HPSE2: variants seen among roughly 807,000 people sequenced by gnomAD.
HPSE2 encodes the protein heparanase 2 (inactive).
In HPSE2, 38 loss-of-function variants were observed where a neutral mutation model predicts 60.5. The observed-to-expected ratio is 0.63, with a 90% CI of 0.48 to 0.82. HPSE2 has a LOEUF of 0.82. Ranked by LOEUF, HPSE2 falls within the 40% of genes least tolerant of loss-of-function variation. HPSE2 has a pLI of 0.00. For missense variants in HPSE2, 713 were observed against 740.4 expected (o/e 0.96, Z 0.43); for synonymous variants, 295 against 293.2 (o/e 1.01, Z -0.06).
At chr10:98,996,830 G>A (rs932313835) in intron 3 of HPSE2, among the ~76,000 whole-genome samples, 1 of 152,154 alleles carries the variant, frequency 6.6e-6, no homozygotes, top group Non-Finnish European at 1.5e-5. Flanking sequence ...AATCTATAGT[G>A]ATAGAAATCA....
intron 3 of HPSE2, among the ~76,000 whole-genome samples, chr10:98,856,598 A>G (rs1952321309): frequency 6.6e-6 from 1 of 152,140 alleles, no homozygotes; most frequent in South Asian, 2.1e-4. Context: ...TTAACCTAGA[A>G]TTTCATAAGC....
chr10:98,532,181 T>C (rs1943150853), intron 9 of HPSE2, among the ~76,000 whole-genome samples: 1 of 152,198 alleles, frequency 6.6e-6, no homozygotes, highest in Non-Finnish European at 1.5e-5. Flanking sequence ...TTTGAGAGCT[T>C]GGAGAAGAAA....
At chr10:99,077,225 GCT>G (rs1293803037) in intron 3 of HPSE2, among the ~76,000 whole-genome samples, 1 of 152,028 alleles carries the variant, frequency 6.6e-6, no homozygotes, top group Non-Finnish European at 1.5e-5. Flanking sequence ...GTCTGTTAGG[GCT>G]CCTGGATCTG....
chr10:98,668,067 A>G (rs1471195675), intron 6 of HPSE2, among the ~76,000 whole-genome samples: 1 of 152,216 alleles, frequency 6.6e-6, no homozygotes, highest in African/African-American at 2.4e-5. Flanking sequence ...ATCTCAGTAA[A>G]GTTTCAGGAT....
At chr10:98,966,223 C>T (rs1955811297) in intron 3 of HPSE2, among the ~76,000 whole-genome samples, 1 of 152,076 alleles carries the variant, frequency 6.6e-6, no homozygotes, top group African/African-American at 2.4e-5. Context: ...CTGAGTTACA[C>T]TGAGTTTTAA....
At chr10:98,742,792 TAC>T (rs71009713) in intron 4 of HPSE2, among the ~76,000 whole-genome samples, 4,827 of 147,294 alleles carry the variant, frequency 0.033, 279 homozygotes, top group African/African-American at 0.11. Context: ...CACACATACA[TAC>T]ACACACACAC....
At chr10:99,097,810 A>G (rs897859559) in intron 3 of HPSE2, among the ~76,000 whole-genome samples, 2 of 152,230 alleles carry the variant, frequency 1.3e-5, no homozygotes, top group African/African-American at 4.8e-5. Context: ...CAATGGGTTT[A>G]CAGAAATTGA....
chr10:99,263,660 C>A, the HPSE2 span, among the ~76,000 whole-genome samples: 1 of 152,094 alleles, frequency 6.6e-6, no homozygotes, highest in Non-Finnish European at 1.5e-5. Context: ...TCATTGGTCA[C>A]TCCTATTTAC....
chr10:99,039,226 C>A (rs959410181), intron 3 of HPSE2, among the ~76,000 whole-genome samples: 9 of 152,112 alleles, frequency 5.9e-5, no homozygotes, highest in Admixed American at 5.2e-4. Context: ...AAGCCATAGG[C>A]TTCTGTTTCC....
intron 6 of HPSE2, among the ~76,000 whole-genome samples, chr10:98,684,505 T>G (rs1947863161): frequency 6.6e-6 from 1 of 152,228 alleles, no homozygotes; most frequent in Admixed American, 6.5e-5. Flanking sequence ...ATGTCCCTGC[T>G]GTGAATAATA....
chr10:99,090,244 TA>T (rs1267480012), intron 3 of HPSE2, among the ~76,000 whole-genome samples: 2 of 152,162 alleles, frequency 1.3e-5, no homozygotes, highest in Non-Finnish European at 2.9e-5. Flanking sequence ...TTTCCTGCTG[TA>T]ATTTTTCTCC....
chr10:99,297,484 GA>G, the HPSE2 span, among the ~76,000 whole-genome samples: 1 of 152,218 alleles, frequency 6.6e-6, no homozygotes, highest in African/African-American at 2.4e-5. Context: ...CTCATTGTTT[GA>G]ATGCCAGAAA....
chr10:99,235,825 C>T lies in HPSE2; in HGVS notation c.-23G>A, dbSNP rs1411436371. 1 of 1,604,488 alleles carries T rather than the reference C, an allele frequency of 6.2e-7. No individual in the cohort carries two copies. Among genetic ancestry groups the T allele is most frequent in the Admixed American group, 1.7e-5 (1 of 59,966 alleles). ...CATTCAATCCCTCTGATTTAAACCTCTCTTCCTACTGGGTCTCGCTAGTGA... is the reference window on the plus strand; with the variant it reads ...CATTCAATCCCTCTGATTTAAACCTTTCTTCCTACTGGGTCTCGCTAGTGA... On this transcript the variant is annotated 5_prime_UTR_variant, in exon 1 of 12. Transcript: ENST00000370552.
chr10:98,958,895 T>C (rs182788171), intron 3 of HPSE2, among the ~76,000 whole-genome samples: 2 of 152,200 alleles, frequency 1.3e-5, no homozygotes, highest in Admixed American at 1.3e-4. Flanking sequence ...CAACACAGAC[T>C]TTTAGAGTTA....
intron 9 of HPSE2, among the ~76,000 whole-genome samples, chr10:98,585,169 C>T (rs1478871006): frequency 6.6e-6 from 1 of 152,082 alleles, no homozygotes; most frequent in Non-Finnish European, 1.5e-5. Context: ...ACATAGTTTG[C>T]TCTGAGTCTT....
At chr10:98,838,253 A>G (rs2134680672) in intron 3 of HPSE2, among the ~76,000 whole-genome samples, 1 of 152,298 alleles carries the variant, frequency 6.6e-6, no homozygotes, top group South Asian at 2.1e-4. Flanking sequence ...AAATTAATTT[A>G]TCTCTTTGAA....
At chr10:98,948,602 G>A (rs114321297) in intron 3 of HPSE2, among the ~76,000 whole-genome samples, 3 of 152,242 alleles carry the variant, frequency 2.0e-5, no homozygotes, top group African/African-American at 7.2e-5. Flanking sequence ...GATTGGTACT[G>A]TATAAAAACA....
At chr10:98,661,868 T>G (rs1459292949) in intron 6 of HPSE2, among the ~76,000 whole-genome samples, 1 of 152,178 alleles carries the variant, frequency 6.6e-6, no homozygotes, top group East Asian at 1.9e-4. Flanking sequence ...CAGTTAGGAC[T>G]TCAGCCTTTT....
chr10:98,982,087 C>T (rs1956220729), intron 3 of HPSE2, among the ~76,000 whole-genome samples: 1 of 151,516 alleles, frequency 6.6e-6, no homozygotes, highest in Non-Finnish European at 1.5e-5. Context: ...GTTCAACATA[C>T]ATTTTTAAAT....
Sources: gnomAD v4.1 joint callset for allele counts (sites outside exome capture counted in the v4.1 genomes callset) on GRCh38, gnomAD v4.1.1 for gene constraint, MANE v1.5 for transcripts, NCBI Gene and HGNC (gene_info 2026-07-23, HGNC 2026-07-21) for gene names.